The following INSC variants were observed in gnomAD, a reference collection of about 807,000 sequenced individuals.
INSC encodes the protein protein inscuteable homolog.
INSC carries 67 observed loss-of-function variants against 58.6 expected under a neutral mutation model. The observed-to-expected ratio is 1.14, with a 90% CI of 0.94 to 1.40. The LOEUF is 1.40. INSC is among the 40% of genes most tolerant of loss of function. The pLI, the probability that INSC is intolerant of heterozygous loss-of-function variation, is 0.00. For missense variants in INSC, 714 were observed against 692.0 expected (o/e 1.03, Z -0.36); for synonymous variants, 262 against 276.1 (o/e 0.95, Z 0.51).
At chr11:15,139,560 G>C (rs965332165) in intron 1 of INSC, among the ~76,000 whole-genome samples, 1 of 152,226 alleles carries the variant, frequency 6.6e-6, no homozygotes, top group Non-Finnish European at 1.5e-5. Flanking sequence ...CTCACCAGAA[G>C]AGAGGTGGAA....
chr11:15,182,961 G>A (rs1286358077), intron 5 of INSC, among the ~76,000 whole-genome samples: 1 of 152,126 alleles, frequency 6.6e-6, no homozygotes, highest in Non-Finnish European at 1.5e-5. Context: ...TCAAGCAAAG[G>A]AAAAGCTTTC....
chr11:15,188,473 A>G (rs887447505), intron 5 of INSC: 1 of 452,628 alleles, frequency 2.2e-6, no homozygotes, highest in Non-Finnish European at 2.9e-6. Flanking sequence ...TTCCTCCACT[A>G]TGAAATGAAG....
the INSC span, among the ~76,000 whole-genome samples, chr11:15,262,447 A>G: frequency 6.6e-6 from 1 of 152,110 alleles, no homozygotes; most frequent in Non-Finnish European, 1.5e-5. Context: ...CTGAGTCCGA[A>G]GAGAAGCCCC....
intron 7 of INSC, among the ~76,000 whole-genome samples, chr11:15,204,154 G>T (rs1472165591): frequency 6.6e-6 from 1 of 152,184 alleles, no homozygotes; most frequent in Non-Finnish European, 1.5e-5. Context: ...ACTTGCTTTG[G>T]GCAAGCACTT....
At chr11:15,129,924 C>A (rs11023447) in intron 1 of INSC, among the ~76,000 whole-genome samples, 1,613 of 152,290 alleles carry the variant, frequency 0.011, 32 homozygotes, top group African/African-American at 0.037. Context: ...GTGGAACCAG[C>A]CCTGTGTTGG....
At chr11:15,186,383 A>G (rs1849969527) in intron 5 of INSC, among the ~76,000 whole-genome samples, 1 of 152,048 alleles carries the variant, frequency 6.6e-6, no homozygotes, top group Non-Finnish European at 1.5e-5. Context: ...TTCCTAACTT[A>G]TAGAGTGAAT....
chr11:15,114,630 C>T (rs1781692211), upstream of INSC, among the ~76,000 whole-genome samples: 2 of 152,206 alleles, frequency 1.3e-5, no homozygotes, highest in Non-Finnish European at 2.9e-5. Flanking sequence ...TGCCGCCTGG[C>T]CCGGGGGAGC....
rs753610047 is a variant in INSC, at chr11:15,149,221, CG to C, written c.50del (p.Gly17ValfsTer6). 1.2e-6 allele frequency: 2 copies of C among 1,605,676 alleles called. No homozygotes were observed. The highest frequency in any genetic ancestry group is 4.5e-5 in the East Asian group (2 of 44,270). On this transcript the variant is annotated frameshift_variant, in exon 2 of 13. Transcript: ENST00000379556. LOFTEE classifies it high-confidence loss of function. ...CGCCACCTGGACTCCGTCACCCTGC[CG>C]GGTCAGCGGTAAGTCCTACAGCTGT... ...GGRHLDSVTLPGQRLHLMQVD... is the reference protein window; with the variant it reads ...GGRHLDSVTLXGQRLHLMQVD...
intron 2 of INSC, among the ~76,000 whole-genome samples, chr11:15,156,585 C>T (rs1189428487): frequency 1.3e-5 from 2 of 152,074 alleles, no homozygotes; most frequent in African/African-American, 4.8e-5. Flanking sequence ...AGCACACTGC[C>T]GAGAATGTAA....
At chr11:15,223,764 A>T (rs192449520) in intron 8 of INSC, among the ~76,000 whole-genome samples, 240 of 152,320 alleles carry the variant, frequency 1.6e-3, no homozygotes, top group African/African-American at 5.6e-3. Context: ...CCAAAATCAG[A>T]GGATAAGGCA....
chr11:15,213,200 G>C (rs1227744110), intron 7 of INSC, among the ~76,000 whole-genome samples: 1 of 151,808 alleles, frequency 6.6e-6, no homozygotes, highest in African/African-American at 2.4e-5. Context: ...AGCACTTTAG[G>C]AGGCCGAGGC....
intron 6 of INSC, 118 bp downstream of exon 6, chr11:15,190,932 G>A (rs1850146515): frequency 1.5e-6 from 1 of 667,286 alleles, no homozygotes; most frequent in Non-Finnish European, 2.7e-6. Flanking sequence ...TAGCTGCTGA[G>A]TCTCCTTGGG....
chr11:15,178,200 T>C, intron 4 of INSC, 124 bp from the exon 5 acceptor site: 1 of 1,289,466 alleles, frequency 7.8e-7, no homozygotes, highest in South Asian at 1.4e-5. Context: ...CATCTCTGAC[T>C]CCCAGTTGCC....
chr11:15,241,076 A>G (rs984164776), intron 12 of INSC, among the ~76,000 whole-genome samples: 1 of 152,166 alleles, frequency 6.6e-6, no homozygotes, highest in Non-Finnish European at 1.5e-5. Context: ...GTCTCCTAGG[A>G]AGTCCCCACC....
intron 12 of INSC, 25 bp from the exon 13 acceptor site, chr11:15,245,887 G>A (rs1852543409): frequency 1.2e-6 from 2 of 1,609,474 alleles, no homozygotes; most frequent in African/African-American, 1.3e-5. Context: ...TCTGACACGT[G>A]TCACCTCTTC....
intron 5 of INSC, among the ~76,000 whole-genome samples, chr11:15,181,270 C>T (rs1849767355): frequency 6.6e-6 from 1 of 152,178 alleles, no homozygotes; most frequent in Non-Finnish European, 1.5e-5. Flanking sequence ...ATATTCCAAA[C>T]TTTCAGGGTC....
At chr11:15,141,248 T>G (rs1297211664) in intron 1 of INSC, among the ~76,000 whole-genome samples, 1 of 152,210 alleles carries the variant, frequency 6.6e-6, no homozygotes, top group Non-Finnish European at 1.5e-5. Context: ...TTTGTGTAGA[T>G]GAGATTCCTA....
At chr11:15,224,195 A>C (rs2133938621) in intron 8 of INSC, among the ~76,000 whole-genome samples, 1 of 152,360 alleles carries the variant, frequency 6.6e-6, no homozygotes, top group South Asian at 2.1e-4. Context: ...TATGTACAGC[A>C]GTGAGTAAAC....
rs774900140 is a variant in INSC, at chr11:15,189,169, G to A, written c.580-1532G>A. On this transcript the variant is annotated intron_variant, in intron 5 of 12. Coordinates refer to ENST00000379556, the MANE Select transcript of INSC (RefSeq NM_001042536.3). ...CCACTTACCTTGAGCCTCAAAGCTCGTAATTTTAATCATTTTACGAACAGG... is the reference window on the plus strand; with the variant it reads ...CCACTTACCTTGAGCCTCAAAGCTCATAATTTTAATCATTTTACGAACAGG... 4.6e-5 allele frequency among the ~76,000 whole-genome samples: 7 copies of A among 152,176 alleles called. No homozygotes were observed. In the South Asian group the frequency reaches 6.2e-4, roughly 13 times the overall value.
Sources: allele counts gnomAD v4.1 joint callset (sites outside exome capture counted in the v4.1 genomes callset), GRCh38; gene constraint gnomAD v4.1.1; transcripts MANE v1.5; gene names NCBI Gene and HGNC (gene_info 2026-07-23, HGNC 2026-07-21).